Variants in DSCAM observed in about 807,000 individuals in gnomAD.
The protein encoded by DSCAM is cell adhesion molecule DSCAM.
Under a neutral mutation model 217.7 loss-of-function variants are expected in DSCAM, and 47 were observed. That is an observed-to-expected ratio of 0.22 (90% confidence interval 0.17 to 0.28). The LOEUF (loss-of-function observed/expected upper bound fraction) is 0.28. Ranked by LOEUF, DSCAM falls within the 10% of genes least tolerant of loss-of-function variation. The pLI is 1.00. For synonymous variants in DSCAM, 1,056 were observed against 1,015.3 expected (o/e 1.04, Z -0.76); for missense variants, 2,080 against 2,618.3 (o/e 0.79, Z 4.49).
At chr21:40,026,726 T>TAGATCTTCCTCCATCCTTTTA (rs1296556360) in intron 32 of DSCAM, among the ~76,000 whole-genome samples, 1 of 147,868 alleles carries the variant, frequency 6.8e-6, no homozygotes, top group Non-Finnish European at 1.5e-5. Flanking sequence ...ATTTGCTTGG[T>TAGATCTTCCTCCATCCTTTTA]AGATCTTCCT....
At chr21:40,350,313 T>C (rs2074615598) in intron 5 of DSCAM, among the ~76,000 whole-genome samples, 1 of 152,110 alleles carries the variant, frequency 6.6e-6, no homozygotes, top group South Asian at 2.1e-4. Context: ...AATAAGCTTC[T>C]ACTTACTCAG....
intron 1 of DSCAM, among the ~76,000 whole-genome samples, chr21:40,711,872 C>T (rs1253370350): frequency 1.8e-5 from 2 of 109,286 alleles, no homozygotes; most frequent in African/African-American, 7.4e-5. Flanking sequence ...TGAGAATACA[C>T]TCCCAGGAGG....
chr21:40,473,081 C>A (rs768393600), intron 3 of DSCAM, among the ~76,000 whole-genome samples: 1 of 152,172 alleles, frequency 6.6e-6, no homozygotes, highest in Non-Finnish European at 1.5e-5. Flanking sequence ...AATAAAGGGG[C>A]TGTTCACCAA....
intron 11 of DSCAM, among the ~76,000 whole-genome samples, chr21:40,214,799 T>TA (rs1480112265): frequency 7.3e-6 from 1 of 136,196 alleles, no homozygotes; most frequent in Non-Finnish European, 1.6e-5. Flanking sequence ...TATATAATGA[T>TA]AAAATGACCA....
chr21:40,562,610 A>G (rs1027853689), intron 3 of DSCAM, among the ~76,000 whole-genome samples: 6 of 152,124 alleles, frequency 3.9e-5, no homozygotes, highest in African/African-American at 1.2e-4. Context: ...TTTTTCTACT[A>G]CCTCTGAAAA....
chr21:40,172,304 A>C (rs910043041), intron 15 of DSCAM, among the ~76,000 whole-genome samples: 3 of 152,252 alleles, frequency 2.0e-5, no homozygotes, highest in African/African-American at 7.2e-5. Context: ...TAAACTCTGC[A>C]TTTCTAAGAA....
At chr21:40,614,033 C>A (rs1264110399) in intron 3 of DSCAM, among the ~76,000 whole-genome samples, 1 of 152,212 alleles carries the variant, frequency 6.6e-6, no homozygotes, top group Non-Finnish European at 1.5e-5. Context: ...CCCATATATT[C>A]CCCTGTGAGA....
At chr21:40,388,045 A>G (rs1363243681) in intron 3 of DSCAM, among the ~76,000 whole-genome samples, 1 of 152,196 alleles carries the variant, frequency 6.6e-6, no homozygotes, top group Non-Finnish European at 1.5e-5. Flanking sequence ...TGAAGGAGAG[A>G]TAGAGGAAAT....
intron 1 of DSCAM, among the ~76,000 whole-genome samples, chr21:40,713,779 G>A (rs192788647): frequency 5.3e-4 from 81 of 152,228 alleles, no homozygotes; most frequent in Non-Finnish European, 1.0e-3. Flanking sequence ...TAAACACTAA[G>A]CACCAACTTT....
chr21:40,241,224 T>C (rs1425329704), intron 11 of DSCAM, among the ~76,000 whole-genome samples: 1 of 152,180 alleles, frequency 6.6e-6, no homozygotes, highest in Non-Finnish European at 1.5e-5. Context: ...TGAGAAAATA[T>C]TTGAAAACTA....
In DSCAM at chr21:40,061,499, G is replaced by C. The variant is rs553695788; in HGVS notation, c.4919+1370C>G. ...CAGGAAAATCGCTTGAACCTCTGAG[G>C]CGGAGGTTGCAGTGAGCCAAGACCG... On this transcript the variant is annotated intron_variant, in intron 28 of 32. Coordinates refer to ENST00000400454, the MANE Select transcript of DSCAM (RefSeq NM_001389.5). Among the ~76,000 whole-genome samples, 504 of 151,654 alleles carry C rather than the reference G, an allele frequency of 3.3e-3. 5 individuals carry two copies. The highest frequency in any genetic ancestry group is 0.012 in the African/African-American group (485 of 41,304).
At chr21:40,173,003 A>C (rs1016053800) in intron 15 of DSCAM, among the ~76,000 whole-genome samples, 48 of 152,188 alleles carry the variant, frequency 3.2e-4, no homozygotes, top group African/African-American at 1.1e-3. Flanking sequence ...GTCATGTAAT[A>C]ACTACTTATT....
rs1348676187 is a variant in DSCAM, at chr21:40,557,456, G to A, written c.508+135354C>T. 3.3e-5 allele frequency among the ~76,000 whole-genome samples: 5 copies of A among 152,084 alleles called. No homozygotes were observed. In the East Asian group the frequency reaches 9.7e-4, roughly 29 times the overall value. ...TGCAAGCTCTGCCTCCCGGGTTCAT[G>A]CCATTCTCCTGCCTCAGCCTCCCAA... is the stretch of plus-strand genomic sequence containing the variant. On this transcript the variant is annotated intron_variant, in intron 3 of 32. Transcript: ENST00000400454.
At chr21:40,539,394 G>A (rs1284906329) in intron 3 of DSCAM, among the ~76,000 whole-genome samples, 1 of 152,068 alleles carries the variant, frequency 6.6e-6, no homozygotes, top group Non-Finnish European at 1.5e-5. Flanking sequence ...ACTCGGAGAG[G>A]CTGAGGCAGG....
chr21:40,380,477 A>G (rs974794082), intron 3 of DSCAM, among the ~76,000 whole-genome samples: 2 of 152,198 alleles, frequency 1.3e-5, no homozygotes, highest in African/African-American at 4.8e-5. Context: ...CACAGACAAA[A>G]AGAGTACATT....
At chr21:40,841,714 GC>G (rs1216299048) in intron 1 of DSCAM, among the ~76,000 whole-genome samples, 2 of 152,166 alleles carry the variant, frequency 1.3e-5, no homozygotes, top group Non-Finnish European at 2.9e-5. Flanking sequence ...CCAATCAGGC[GC>G]GGAGCTGCTC....
chr21:40,185,428 T>C (rs4539871), intron 14 of DSCAM, among the ~76,000 whole-genome samples: 65,310 of 152,100 alleles, frequency 0.43, 17,046 homozygotes, highest in African/African-American at 0.74. Flanking sequence ...GGGTCCCAAA[T>C]CACTGAGCCC....
chr21:40,533,081 T>C (rs1376818292), intron 3 of DSCAM, among the ~76,000 whole-genome samples: 4 of 152,140 alleles, frequency 2.6e-5, no homozygotes, highest in Non-Finnish European at 5.9e-5. Context: ...GAAAAATGTT[T>C]CACTTGCAGT....
intron 3 of DSCAM, among the ~76,000 whole-genome samples, chr21:40,614,692 T>C (rs1320748814): frequency 3.9e-5 from 6 of 152,192 alleles, no homozygotes; most frequent in Non-Finnish European, 7.3e-5. Context: ...AACAGTTGTA[T>C]GTCCAGTAAC....
Sources: gnomAD v4.1 joint callset for allele counts (sites outside exome capture counted in the v4.1 genomes callset) on GRCh38, gnomAD v4.1.1 for gene constraint, MANE v1.5 for transcripts, NCBI Gene and HGNC (gene_info 2026-07-23, HGNC 2026-07-21) for gene names.